The following PBLD variants were observed in gnomAD, a reference collection of about 807,000 sequenced individuals.
The protein encoded by PBLD is phenazine biosynthesis-like domain-containing protein.
In PBLD, 26 loss-of-function variants were observed where a neutral mutation model predicts 31.3. The observed-to-expected ratio is 0.83, with a 90% CI of 0.61 to 1.15. The LOEUF (loss-of-function observed/expected upper bound fraction) is 1.15. Among genes scored for constraint, PBLD ranks in the 50% most tolerant of loss-of-function variants. The probability of loss-of-function intolerance (pLI) is 0.00; values close to 1 mark genes in which losing one functional copy is unlikely to be tolerated. For synonymous variants in PBLD, 114 were observed against 129.0 expected, an observed-to-expected ratio of 0.88 and a Z score of 0.79; for missense variants, 307 against 351.7, an observed-to-expected ratio of 0.87 and a Z score of 1.02.
chr10:68,314,855 T>C (rs2044716057), intron 1 of PBLD, among the ~76,000 whole-genome samples: 1 of 152,136 alleles, frequency 6.6e-6, no homozygotes, highest in African/African-American at 2.4e-5. Context: ...AATGGTACAA[T>C]CTTGGCTCAC....
At chr10:68,326,011 C>T (rs946537672) in intron 1 of PBLD, among the ~76,000 whole-genome samples, 8 of 151,142 alleles carry the variant, frequency 5.3e-5, no homozygotes, top group African/African-American at 1.2e-4. Flanking sequence ...ACTTTATGTA[C>T]GTGCATTTTT....
intron 1 of PBLD, among the ~76,000 whole-genome samples, chr10:68,318,189 T>C (rs2044762768): frequency 6.6e-6 from 1 of 151,920 alleles, no homozygotes. Context: ...ATCAAGCCAC[T>C]GCACTCCAGC....
At chr10:68,315,580 A>G (rs1394218821) in intron 1 of PBLD, among the ~76,000 whole-genome samples, 8 of 151,804 alleles carry the variant, frequency 5.3e-5, no homozygotes, top group African/African-American at 1.9e-4. Flanking sequence ...TGTCTCCAAA[A>G]AAAAAAAAAG....
Position 68,291,865 on chromosome 10 carries a change from A to G in PBLD, c.423+145T>C, listed in dbSNP as rs2044362596. On this transcript the variant is annotated intron_variant, in intron 6 of 9. Transcript: ENST00000358769. ...GGAAAACTGGTCAACCTTCTCACCA[A>G]ATAGACTGAATATTAAAATTCAAAC... is the stretch of plus-strand genomic sequence containing the variant. 7.5e-6 allele frequency: 7 copies of G among 935,706 alleles called. No homozygotes were observed. The South Asian group carries it at 1.0e-4, about 14-fold the overall frequency. 58.0% of individuals were successfully genotyped at this position (935,706 alleles called of 1,614,324 possible).
chr10:68,319,416 C>A (rs1348747464), intron 1 of PBLD, among the ~76,000 whole-genome samples: 1 of 152,210 alleles, frequency 6.6e-6, no homozygotes, highest in Non-Finnish European at 1.5e-5. Context: ...GGCATAGTGA[C>A]TCAGGCCTGT....
intron 1 of PBLD, among the ~76,000 whole-genome samples, chr10:68,324,766 C>T (rs2044889457): frequency 6.6e-6 from 1 of 151,908 alleles, no homozygotes; most frequent in African/African-American, 2.4e-5. Context: ...AGGCATGTGC[C>T]ACTATTGCCC....
At chr10:68,324,794 T>G (rs947597629) in intron 1 of PBLD, among the ~76,000 whole-genome samples, 3 of 151,642 alleles carry the variant, frequency 2.0e-5, no homozygotes, top group Non-Finnish European at 4.4e-5. Flanking sequence ...TTTTGTATTT[T>G]TAGTACAGAC....
chr10:68,305,228 C>T (rs1286605511), intron 2 of PBLD, among the ~76,000 whole-genome samples: 1 of 149,694 alleles, frequency 6.7e-6, no homozygotes, highest in Non-Finnish European at 1.5e-5. Flanking sequence ...TAAAAAACAA[C>T]AACAACAGCA....
At chr10:68,284,325 TCA>T (rs775003889) in intron 9 of PBLD, 36 bp from the exon 10 acceptor site, 1 of 1,539,826 alleles carries the variant, frequency 6.5e-7, no homozygotes, top group Admixed American at 1.7e-5. Context: ...AAGAGTATTT[TCA>T]CCCTTTTAAA....
chr10:68,320,600 C>A (rs550040223), intron 1 of PBLD, among the ~76,000 whole-genome samples: 6 of 151,990 alleles, frequency 3.9e-5, no homozygotes, highest in African/African-American at 1.5e-4. Flanking sequence ...GATGTAAATG[C>A]TATGTCAAAA....
chr10:68,291,197 G>T (rs2044353662), intron 6 of PBLD, among the ~76,000 whole-genome samples: 1 of 152,182 alleles, frequency 6.6e-6, no homozygotes, highest in Non-Finnish European at 1.5e-5. Flanking sequence ...ATCCAGGGCT[G>T]CTCTGGCCCT....
chr10:68,285,493 A>G lies in PBLD; in HGVS notation c.692-83T>C, dbSNP rs746651226. ...GTAAATTTCTAAGCAATTACAATCA[A>G]TTATCCAGTTTGAATAAACTCTAGA... On this transcript the variant is annotated intron_variant, in intron 8 of 9. Coordinates refer to ENST00000358769, the MANE Select transcript of PBLD (RefSeq NM_022129.4). The G allele has an allele frequency of 3.9e-6, 6 of 1,521,830 alleles. No homozygotes were observed. In the Admixed American group the frequency reaches 6.5e-5, roughly 17 times the overall value. The allele number at this position is 1,521,830 out of a possible 1,614,324, so 94.3% of individuals were successfully genotyped here. A position where few individuals can be genotyped will look rare whatever the true frequency, so the allele number is the denominator to read the frequency against.
At chr10:68,305,623 C>G (rs779906963) in intron 2 of PBLD, among the ~76,000 whole-genome samples, 2 of 152,176 alleles carry the variant, frequency 1.3e-5, no homozygotes, top group East Asian at 3.9e-4. Flanking sequence ...TGCATGGTGG[C>G]GGGCACCTGT....
At chr10:68,300,613 G>A (rs2044492786) in intron 2 of PBLD, among the ~76,000 whole-genome samples, 1 of 137,130 alleles carries the variant, frequency 7.3e-6, no homozygotes. Flanking sequence ...GCACATTAAA[G>A]TTTGAGAAAC....
At position 68,284,092 on chromosome 10, in the gene PBLD, A is replaced by G; in HGVS notation, c.*85T>C. 3 of 1,296,152 alleles carry G rather than the reference A, an allele frequency of 2.3e-6. No individual in the cohort carries two copies. The highest frequency in any genetic ancestry group is 2.2e-6 in the Non-Finnish European group (2 of 914,450). 80.3% of individuals were successfully genotyped at this position (1,296,152 alleles called of 1,614,324 possible). A position where few individuals can be genotyped will look rare whatever the true frequency, so the allele number is the denominator to read the frequency against. ...GAGGATTAAGTAGACTACTACGCAC[A>G]TTTGCTAAAGGCAGCCCCTTACATT... On this transcript the variant is annotated 3_prime_UTR_variant, in exon 10 of 10. Coordinates refer to ENST00000358769, the MANE Select transcript of PBLD (RefSeq NM_022129.4).
chr10:68,284,693 C>T (rs1306905116), intron 9 of PBLD, among the ~76,000 whole-genome samples: 1 of 152,164 alleles, frequency 6.6e-6, no homozygotes, highest in Non-Finnish European at 1.5e-5. Context: ...TGAGAAGGCC[C>T]CCATCTTCTC....
intron 1 of PBLD, among the ~76,000 whole-genome samples, chr10:68,330,709 CGTGTGTGTGTGTGTGTGTGTGTGTGT>C (rs56166847): frequency 4.9e-5 from 7 of 142,822 alleles, no homozygotes; most frequent in African/African-American, 7.9e-5. Context: ...CCACGCCCGG[CGTGTGTGTGTGTGTGTGTGTGTGTGT>C]GTGTGTGTGT....
At chr10:68,326,596 T>G (rs2044924301) in intron 1 of PBLD, among the ~76,000 whole-genome samples, 1 of 152,216 alleles carries the variant, frequency 6.6e-6, no homozygotes, top group Admixed American at 6.5e-5. Context: ...TCTATTAAAT[T>G]CACTGCTATT....
chr10:68,296,213 A>G, intron 4 of PBLD, 53 bp downstream of exon 4: 1 of 1,391,426 alleles, frequency 7.2e-7, no homozygotes, highest in Non-Finnish European at 9.9e-7. Flanking sequence ...GAGAACTTAA[A>G]AAAAAAAAAG....
Sources: gnomAD v4.1 joint callset for allele counts (sites outside exome capture counted in the v4.1 genomes callset) on GRCh38, gnomAD v4.1.1 for gene constraint, MANE v1.5 for transcripts, NCBI Gene and HGNC (gene_info 2026-07-23, HGNC 2026-07-21) for gene names.